Variants in KCNQ1OT1 observed in about 807,000 individuals in gnomAD.
The protein encoded by KCNQ1OT1 is KCNQ1 opposite strand/antisense transcript 1, also known as KCNQ1 antisense RNA 2 (non-protein coding).
Position 2,663,305 on chromosome 11 carries a change from G to A in KCNQ1OT1, n.36690C>T, listed in dbSNP as rs376835271. On this transcript the variant is annotated non_coding_transcript_exon_variant, in exon 1 of 1. Transcript: ENST00000597346. The surrounding 1 kb of genome is among the most constrained non-coding windows in gnomAD (Gnocchi z 5.2). ...GGCTCTGAGCTTCTGGGCCCCTCCT[G>A]GCTGGGTAAAAAGGCAGGAGCAGAG... 1.0e-5 allele frequency: 4 copies of A among 398,664 alleles called. No homozygotes were observed. Among genetic ancestry groups the A allele is most frequent in the African/African-American group, 8.2e-5 (4 of 48,614 alleles). 24.7% of individuals were successfully genotyped at this position (398,664 alleles called of 1,614,324 possible). A position where few individuals can be genotyped will look rare whatever the true frequency, so the allele number is the denominator to read the frequency against.
exon 1 of KCNQ1OT1, chr11:2,685,499 A>G (rs1425497939): frequency 1.3e-5 from 5 of 398,714 alleles, no homozygotes; most frequent in Non-Finnish European, 2.2e-5. Flanking sequence ...CAAGTTGCTC[A>G]CATCCAGACA....
chr11:2,698,281 C>G lies in KCNQ1OT1; in HGVS notation n.1714G>C, dbSNP rs560235106. 1.5e-5 allele frequency: 6 copies of G among 398,636 alleles called. No homozygotes were observed. In the South Asian group the frequency reaches 7.6e-4, roughly 51 times the overall value. The allele number at this position is 398,636 out of a possible 1,614,324, so 24.7% of individuals were successfully genotyped here. On this transcript the variant is annotated non_coding_transcript_exon_variant, in exon 1 of 1. Coordinates refer to ENST00000597346, the Ensembl canonical transcript of KCNQ1OT1. This position sits in a 1 kb window ranked among gnomAD's most constrained non-coding sequence, Gnocchi z 5.1. ...TGTGATAATCTAAGACAGAACTATT[C>G]TACCTGGATGAATTATTCTCTTTCA...
chr11:2,631,278 A>G, exon 1 of KCNQ1OT1: 1 of 398,362 alleles, frequency 2.5e-6, no homozygotes. Context: ...TTACCTTTTC[A>G]TTCTTTATTT....
At chr11:2,646,895 A>C in exon 1 of KCNQ1OT1, 1 of 398,616 alleles carries the variant, frequency 2.5e-6, no homozygotes, top group South Asian at 1.3e-4. Context: ...TTTTGGTGGA[A>C]TCTTTAGGTT....
chr11:2,638,333 T>C (rs1047426141), exon 1 of KCNQ1OT1: 1 of 152,258 alleles, frequency 6.6e-6, no homozygotes, highest in African/African-American at 2.4e-5. Flanking sequence ...TTTCCATGTT[T>C]AGTGCTTCCT....
rs1027632900 is a variant in KCNQ1OT1 at position 2,669,971 on chromosome 11, A to G, written n.30024T>C. ...GGGAAGGGAAGTCTAGAGGTCCCCA[A>G]GTCACAACCTCAAATCTCGGAATGG... On this transcript the variant is annotated non_coding_transcript_exon_variant, in exon 1 of 1. Coordinates refer to ENST00000597346, the Ensembl canonical transcript of KCNQ1OT1. This position sits in a 1 kb window ranked among gnomAD's most constrained non-coding sequence, Gnocchi z 5.6. The G allele has an allele frequency of 1.0e-5, 4 of 398,606 alleles. No individual in the cohort carries two copies. In the East Asian group the frequency reaches 1.1e-4, roughly 11 times the overall value. 24.7% of individuals were successfully genotyped at this position (398,606 alleles called of 1,614,324 possible). A position where few individuals can be genotyped will look rare whatever the true frequency, so the allele number is the denominator to read the frequency against.
At chr11:2,614,720 T>A (rs1012059067) in exon 1 of KCNQ1OT1, 3 of 398,490 alleles carry the variant, frequency 7.5e-6, no homozygotes, top group Non-Finnish European at 1.3e-5. Flanking sequence ...TCTATTATAT[T>A]CCATTGGTCT....
At chr11:2,662,529 A>G in exon 1 of KCNQ1OT1, 1 of 425,782 alleles carries the variant, frequency 2.3e-6, no homozygotes, top group Non-Finnish European at 4.1e-6. Context: ...GAAATGGCTG[A>G]TTTTCCACGC....
Position 2,661,712 on chromosome 11 carries a change from GCA to G in KCNQ1OT1, n.38281_38282del, listed in dbSNP as rs967344511. On this transcript the variant is annotated non_coding_transcript_exon_variant, in exon 1 of 1. Transcript: ENST00000597346. The surrounding 1 kb of genome is among the most constrained non-coding windows in gnomAD (Gnocchi z 5.9). Reference sequence around the variant, plus strand: ...CTTGGACACCTGAGCACAGCCCCAGGCACAGTTACCACTCCGAAGATGATTCA... The same window carrying G: ...CTTGGACACCTGAGCACAGCCCCAGGCAGTTACCACTCCGAAGATGATTCA... The G allele has an allele frequency of 3.3e-6, 2 of 610,614 alleles. No homozygotes were observed. Among genetic ancestry groups the G allele is most frequent in the Admixed American group, 5.5e-5 (2 of 36,500 alleles). The allele number at this position is 610,614 out of a possible 1,614,324, so 37.8% of individuals were successfully genotyped here. A position where few individuals can be genotyped will look rare whatever the true frequency, so the allele number is the denominator to read the frequency against.
chr11:2,663,088 C>T lies in KCNQ1OT1; in HGVS notation n.36907G>A, dbSNP rs2133857924. On this transcript the variant is annotated non_coding_transcript_exon_variant, in exon 1 of 1. Coordinates refer to ENST00000597346, the Ensembl canonical transcript of KCNQ1OT1. This position sits in a 1 kb window ranked among gnomAD's most constrained non-coding sequence, Gnocchi z 5.2. ...GGGTTGGGTAGCCAGAATGAGGCCA[C>T]CTCCAGGGAAGGAGTGGCTATCTTA... is the stretch of plus-strand genomic sequence containing the variant. 1 of 398,676 alleles carries T rather than the reference C, an allele frequency of 2.5e-6. No homozygotes were observed. 24.7% of individuals were successfully genotyped at this position (398,676 alleles called of 1,614,324 possible).
At position 2,627,732 on chromosome 11, in the gene KCNQ1OT1, G is replaced by GAT; in HGVS notation, n.72261_72262dup. The GAT allele has an allele frequency of 2.5e-6, 1 of 398,056 alleles. No homozygotes were observed. The highest frequency in any genetic ancestry group is 4.4e-6 in the Non-Finnish European group (1 of 225,948). The allele number at this position is 398,056 out of a possible 1,614,324, so 24.7% of individuals were successfully genotyped here. ...TGATGTGTTTATTTGGGAATTTGGT[G>GAT]ATACACACACACACACTATTTTCTT... On this transcript the variant is annotated non_coding_transcript_exon_variant, in exon 1 of 1. Coordinates refer to ENST00000597346, the Ensembl canonical transcript of KCNQ1OT1. The surrounding 1 kb of genome is among the most constrained non-coding windows in gnomAD (Gnocchi z 4.9).
At chr11:2,697,187 C>T (rs1318862395) in exon 1 of KCNQ1OT1, 3 of 398,468 alleles carry the variant, frequency 7.5e-6, no homozygotes, top group Non-Finnish European at 1.3e-5. Context: ...TTAAACATTT[C>T]TTAGTTTTAA....
At chr11:2,615,592 G>A (rs537947465) in exon 1 of KCNQ1OT1, 8 of 397,928 alleles carry the variant, frequency 2.0e-5, no homozygotes, top group African/African-American at 1.6e-4. Flanking sequence ...ATCCTGAAAG[G>A]TTGTAGAATT....
In KCNQ1OT1 at chr11:2,670,990, T is replaced by C; in HGVS notation, n.29005A>G. 2.5e-6 allele frequency: 1 copy of C among 398,642 alleles called. No individual in the cohort carries two copies. The highest frequency in any genetic ancestry group is 2.1e-5 in the African/African-American group (1 of 48,760). 24.7% of individuals were successfully genotyped at this position (398,642 alleles called of 1,614,324 possible). A position where few individuals can be genotyped will look rare whatever the true frequency, so the allele number is the denominator to read the frequency against. On this transcript the variant is annotated non_coding_transcript_exon_variant, in exon 1 of 1. Coordinates refer to ENST00000597346, the Ensembl canonical transcript of KCNQ1OT1. This position sits in a 1 kb window ranked among gnomAD's most constrained non-coding sequence, Gnocchi z 4.9. Reference sequence around the variant, plus strand: ...AGAGCCCCTGGCTAGGCATTCATGCTTTAGATATGTGGGCCCTGTTAGGGA... The same window carrying C: ...AGAGCCCCTGGCTAGGCATTCATGCCTTAGATATGTGGGCCCTGTTAGGGA...
chr11:2,633,100 C>G (rs1189705505), exon 1 of KCNQ1OT1: 1 of 398,328 alleles, frequency 2.5e-6, no homozygotes, highest in African/African-American at 2.1e-5. Context: ...TTTTTGAAAA[C>G]AGCCATTCTA....
chr11:2,644,315 T>C (rs1014073814), exon 1 of KCNQ1OT1: 3 of 398,346 alleles, frequency 7.5e-6, no homozygotes, highest in African/African-American at 6.2e-5. Context: ...TTCAAAAGAC[T>C]TATCTTCAAG....
At position 2,612,408 on chromosome 11, in the gene KCNQ1OT1, C is replaced by G; in HGVS notation, n.87587G>C. On this transcript the variant is annotated non_coding_transcript_exon_variant, in exon 1 of 1. Coordinates refer to ENST00000597346, the Ensembl canonical transcript of KCNQ1OT1. The surrounding 1 kb of genome is among the most constrained non-coding windows in gnomAD (Gnocchi z 5.5). ...TTGGGGACCACTATATTATGGTATC[C>G]AATGGGTATCTCTTCATTTTTCTTC... 1 of 398,626 alleles carries G rather than the reference C, an allele frequency of 2.5e-6. No individual in the cohort carries two copies. The highest frequency in any genetic ancestry group is 4.4e-6 in the Non-Finnish European group (1 of 226,068). 24.7% of individuals were successfully genotyped at this position (398,626 alleles called of 1,614,324 possible).
At chr11:2,610,102 G>A (rs1848954522) in exon 1 of KCNQ1OT1, 1 of 397,488 alleles carries the variant, frequency 2.5e-6, no homozygotes. Flanking sequence ...CTCCTTTGCT[G>A]CTTTCTTTTC....
rs1258660113 is a variant in KCNQ1OT1, at chr11:2,673,791, G to A, written n.26204C>T. 2 of 398,598 alleles carry A rather than the reference G, an allele frequency of 5.0e-6. No individual in the cohort carries two copies. The highest frequency in any genetic ancestry group is 2.5e-4 in the South Asian group (2 of 7,854). 24.7% of individuals were successfully genotyped at this position (398,598 alleles called of 1,614,324 possible). A position where few individuals can be genotyped will look rare whatever the true frequency, so the allele number is the denominator to read the frequency against. On this transcript the variant is annotated non_coding_transcript_exon_variant, in exon 1 of 1. Coordinates refer to ENST00000597346, the Ensembl canonical transcript of KCNQ1OT1. The surrounding 1 kb of genome is among the most constrained non-coding windows in gnomAD (Gnocchi z 4.5). Reference sequence around the variant, plus strand: ...GTATGTTGGGAAGCTCTGGTGCAAAGGGCAGTGATGGCCCTTCAATCCCAG... The same window carrying A: ...GTATGTTGGGAAGCTCTGGTGCAAAAGGCAGTGATGGCCCTTCAATCCCAG...
Sources: allele counts gnomAD v4.1 joint callset, GRCh38; gene constraint gnomAD v4.1.1; non-coding constraint Gnocchi (gnomAD v3.1); transcripts MANE v1.5; gene names NCBI Gene and HGNC (gene_info 2026-07-23, HGNC 2026-07-21).